NVL: variants seen among roughly 807,000 people sequenced by gnomAD.
NVL encodes the protein nuclear VCP like.
NVL carries 84 observed loss-of-function variants against 110.2 expected under a neutral mutation model. The observed-to-expected ratio is 0.76, with a 90% CI of 0.64 to 0.91. The LOEUF is 0.91. NVL is among the 40% of genes least tolerant of loss of function. NVL has a pLI of 0.00. For synonymous variants in NVL, 354 were observed against 361.1 expected, an observed-to-expected ratio of 0.98 and a Z score of 0.22; for missense variants, 882 against 1,035.9, an observed-to-expected ratio of 0.85 and a Z score of 2.04.
rs747020484 is a variant in NVL, at chr1:224,286,029, C to T, written c.1896G>A (p.Ala632=). Residue 632 remains alanine (A), a synonymous_variant, in exon 15 of 23, where the codon GCG becomes GCA. Transcript: ENST00000281701. ...GPPGCGKTLL[A]KAVANESGLN... ...TGCAATTGAACTTATATGATACCTT[C>T]GCCAGCAGAGTCTTCCCACAGCCAG... 5 of 1,611,884 alleles carry T rather than the reference C, an allele frequency of 3.1e-6. No individual in the cohort carries two copies. The highest frequency in any genetic ancestry group is 2.2e-5 in the South Asian group (2 of 91,026).
Position 224,272,068 on chromosome 1 carries a change from G to A in NVL, c.2082+3271C>T, listed in dbSNP as rs561361958. Reference sequence around the variant, plus strand: ...ATGTTTTTAGAGGCCAGGCATGGTGGCTCATGCCTGTAATCCTAGCACTTT... The same window carrying A: ...ATGTTTTTAGAGGCCAGGCATGGTGACTCATGCCTGTAATCCTAGCACTTT... On this transcript the variant is annotated intron_variant, in intron 17 of 22. Coordinates refer to ENST00000281701, the MANE Select transcript of NVL (RefSeq NM_002533.4). 1.1e-4 allele frequency among the ~76,000 whole-genome samples: 16 copies of A among 151,958 alleles called. No individual in the cohort carries two copies. The South Asian group carries it at 3.3e-3, about 32-fold the overall frequency.
At chr1:224,227,756 T>G in intron 22 of NVL, 86 bp from the exon 23 acceptor site, 17 of 1,246,252 alleles carry the variant, frequency 1.4e-5, no homozygotes, top group Non-Finnish European at 1.8e-5. Context: ...CATGCTGCAG[T>G]CCGCACCCGC....
rs976424509 is a variant in NVL, at chr1:224,257,171, A to G, written c.2183-6853T>C. 3 of 507,726 alleles carry G rather than the reference A, an allele frequency of 5.9e-6. No individual in the cohort carries two copies. In the East Asian group the frequency reaches 1.7e-4, roughly 28 times the overall value. The allele number at this position is 507,726 out of a possible 1,614,324, so 31.5% of individuals were successfully genotyped here. ...TGATATTTACAATAAAAATGGCACT[A>G]ACAATCCCAGCACTTTAAAGAGAAA... On this transcript the variant is annotated intron_variant, in intron 18 of 22. Transcript: ENST00000281701.
chr1:224,284,313 A>G (rs1408926835), intron 15 of NVL, among the ~76,000 whole-genome samples: 1 of 152,218 alleles, frequency 6.6e-6, no homozygotes, highest in Non-Finnish European at 1.5e-5. Context: ...TTAGAAAAAT[A>G]GGAAAGGATA....
chr1:224,236,477 G>A (rs1176579098), intron 20 of NVL, 29 bp downstream of exon 20: 1 of 1,558,750 alleles, frequency 6.4e-7, no homozygotes, highest in African/African-American at 1.4e-5. Flanking sequence ...ACCCCAGAGA[G>A]TGAATTGACT....
intron 19 of NVL, 32 bp downstream of exon 19, chr1:224,250,180 A>G (rs1177072161): frequency 6.3e-7 from 1 of 1,598,276 alleles, no homozygotes; most frequent in Non-Finnish European, 8.5e-7. Context: ...CAAGAGAAAC[A>G]TATACAAAAA....
chr1:224,230,786 A>AACC (rs1659787183), intron 22 of NVL, among the ~76,000 whole-genome samples: 1 of 152,146 alleles, frequency 6.6e-6, no homozygotes, highest in African/African-American at 2.4e-5. Flanking sequence ...GATCAAAATG[A>AACC]ACCATGTAAT....
rs984369089 is a variant in NVL at position 224,231,356 on chromosome 1, T to G, written c.2456-60A>C. On this transcript the variant is annotated intron_variant, in intron 21 of 22. Transcript: ENST00000281701. The stretch of plus-strand genomic sequence containing the variant: ...TATCGTATGGTAACTGACTTAGAAC[T>G]TAACTTCCTTTGAAAGACTTCAAAA... 22 of 1,378,818 alleles carry G rather than the reference T, an allele frequency of 1.6e-5. No individual in the cohort carries two copies. In the Admixed American group the frequency reaches 2.4e-4, roughly 15 times the overall value. The allele number at this position is 1,378,818 out of a possible 1,614,324, so 85.4% of individuals were successfully genotyped here.
intron 19 of NVL, among the ~76,000 whole-genome samples, chr1:224,237,199 A>G (rs561259648): frequency 6.6e-6 from 1 of 152,358 alleles, no homozygotes; most frequent in African/African-American, 2.4e-5. Flanking sequence ...TTTCCTTTCC[A>G]GCTTAAACAT....
chr1:224,248,214 A>C (rs527427635), intron 19 of NVL, among the ~76,000 whole-genome samples: 5 of 151,972 alleles, frequency 3.3e-5, no homozygotes, highest in Admixed American at 3.3e-4. Context: ...TTAACTCCCA[A>C]CTCTACAGTT....
intron 6 of NVL, chr1:224,305,440 T>G: frequency 3.8e-6 from 1 of 265,128 alleles, no homozygotes; most frequent in Non-Finnish European, 7.0e-6. Flanking sequence ...GCATGGCCCC[T>G]GTGCAAGGAT....
At chr1:224,281,282 T>TGA in intron 15 of NVL, 97 bp from the exon 16 acceptor site, 6 of 767,456 alleles carry the variant, frequency 7.8e-6, no homozygotes, top group African/African-American at 2.9e-5. Context: ...GGACTCTGTG[T>TGA]GCGTGTGTGT....
intron 2 of NVL, among the ~76,000 whole-genome samples, chr1:224,325,342 T>G (rs1572082114): frequency 6.8e-6 from 1 of 147,110 alleles, no homozygotes. Flanking sequence ...GAGGCGAAGG[T>G]GGAAGGATCA....
rs182493805 is a variant in NVL at position 224,244,143 on chromosome 1, G to A, written c.2289+6069C>T. ...AGCACTTTGGGAGGCCAAGGAGGGCGGATCACATGAGGTCGGGAGTTCGAG... is the reference window on the plus strand; with the variant it reads ...AGCACTTTGGGAGGCCAAGGAGGGCAGATCACATGAGGTCGGGAGTTCGAG... On this transcript the variant is annotated intron_variant, in intron 19 of 22. Coordinates refer to ENST00000281701, the MANE Select transcript of NVL (RefSeq NM_002533.4). 3.9e-3 allele frequency among the ~76,000 whole-genome samples: 598 copies of A among 151,572 alleles called. 5 individuals are homozygous for A. Among genetic ancestry groups the A allele is most frequent in the Middle Eastern group, 0.017 (5 of 294 alleles).
At chr1:224,233,638 AGTCCCAGGCAC>A (rs1660149832) in intron 20 of NVL, among the ~76,000 whole-genome samples, 1 of 152,192 alleles carries the variant, frequency 6.6e-6, no homozygotes. Context: ...ATGCACCTGT[AGTCCCAGGCAC>A]TGGGGAGGCT....
chr1:224,306,895 C>T (rs1668976853), intron 6 of NVL, among the ~76,000 whole-genome samples: 1 of 152,068 alleles, frequency 6.6e-6, no homozygotes, highest in Non-Finnish European at 1.5e-5. Context: ...ACAATGTTCC[C>T]TATAGATGGA....
chr1:224,305,437 C>A (rs1468933702), intron 6 of NVL: 2 of 290,826 alleles, frequency 6.9e-6, no homozygotes, highest in Non-Finnish European at 1.3e-5. Flanking sequence ...TTAGCATGGC[C>A]CCTGTGCAAG....
chr1:224,281,280 T>TGTGC (rs1666286350), intron 15 of NVL, 95 bp from the exon 16 acceptor site: 21 of 772,090 alleles, frequency 2.7e-5, no homozygotes, highest in Admixed American at 2.6e-4. Flanking sequence ...AAGGACTCTG[T>TGTGC]GTGCGTGTGT....
At chr1:224,252,685 T>C (rs982209461) in intron 18 of NVL, among the ~76,000 whole-genome samples, 1 of 152,186 alleles carries the variant, frequency 6.6e-6, no homozygotes, top group Non-Finnish European at 1.5e-5. Context: ...TACTTGGAAA[T>C]AGGAAAGAAT....
Sources: allele counts gnomAD v4.1 joint callset (sites outside exome capture counted in the v4.1 genomes callset), GRCh38; gene constraint gnomAD v4.1.1; transcripts MANE v1.5; gene names NCBI Gene and HGNC (gene_info 2026-07-23, HGNC 2026-07-21).